The following ZNF536 variants were observed in gnomAD, a reference collection of about 807,000 sequenced individuals.
The protein encoded by ZNF536 is zinc finger protein 536.
Under a neutral mutation model 84.5 loss-of-function variants are expected in ZNF536, and 13 were observed. That is an observed-to-expected ratio of 0.15 (90% CI 0.10 to 0.24). The LOEUF (loss-of-function observed/expected upper bound fraction) is 0.24, where lower values mean the gene tolerates loss of function less well. ZNF536 is among the 10% of genes least tolerant of loss of function. The probability of loss-of-function intolerance (pLI) is 1.00; values close to 1 mark genes in which losing one functional copy is unlikely to be tolerated. For missense variants in ZNF536, 1,536 were observed against 1,747.5 expected, an observed-to-expected ratio of 0.88 and a Z score of 2.16; for synonymous variants, 811 against 742.5, an observed-to-expected ratio of 1.09 and a Z score of -1.50.
chr19:30,667,776 A>G (rs941822932), intron 1 of ZNF536, among the ~76,000 whole-genome samples: 68 of 152,108 alleles, frequency 4.5e-4, no homozygotes, highest in African/African-American at 1.6e-3. Flanking sequence ...TATTTACTAC[A>G]GTACTAGATA....
intron 1 of ZNF536, among the ~76,000 whole-genome samples, chr19:30,409,813 A>G (rs1266219426): frequency 6.6e-6 from 1 of 152,122 alleles, no homozygotes; most frequent in East Asian, 1.9e-4. Context: ...TTTGCTTTTT[A>G]TTTCTCAAGC....
At chr19:30,522,572 C>T (rs368161590) in intron 2 of ZNF536, among the ~76,000 whole-genome samples, 1 of 151,944 alleles carries the variant, frequency 6.6e-6, no homozygotes, top group Non-Finnish European at 1.5e-5. Flanking sequence ...ATCCTACATG[C>T]GACCCTCTAA....
chr19:30,251,417 A>G (rs1443965515), intron 1 of ZNF536, among the ~76,000 whole-genome samples: 1 of 152,098 alleles, frequency 6.6e-6, no homozygotes, highest in Admixed American at 6.5e-5. Flanking sequence ...CAGAGCACTG[A>G]CTTTTTCTAT....
chr19:30,539,093 A>AAAAAG (rs1261873146), intron 3 of ZNF536, among the ~76,000 whole-genome samples: 8 of 151,464 alleles, frequency 5.3e-5, no homozygotes, highest in Non-Finnish European at 7.4e-5. Flanking sequence ...AAAAGAAAAG[A>AAAAAG]AAAAGAAAAG....
At chr19:30,458,574 T>A (rs540943647) in intron 2 of ZNF536, among the ~76,000 whole-genome samples, 1 of 148,714 alleles carries the variant, frequency 6.7e-6, no homozygotes, top group Non-Finnish European at 1.5e-5. Context: ...TGCCTCAGCC[T>A]CCCGAGTAGC....
At chr19:30,511,364 A>G (rs1364572227) in intron 2 of ZNF536, among the ~76,000 whole-genome samples, 2 of 152,242 alleles carry the variant, frequency 1.3e-5, no homozygotes, top group Non-Finnish European at 2.9e-5. Flanking sequence ...ATTTTAATTT[A>G]TACACAAACC....
At chr19:30,421,170 C>G (rs778243369) in intron 1 of ZNF536, among the ~76,000 whole-genome samples, 2 of 152,060 alleles carry the variant, frequency 1.3e-5, no homozygotes, top group African/African-American at 4.8e-5. Context: ...GAGGATCCAG[C>G]GTGCAGAGAA....
chr19:30,391,934 T>A (rs2049606367), intron 1 of ZNF536, among the ~76,000 whole-genome samples: 1 of 152,146 alleles, frequency 6.6e-6, no homozygotes, highest in Non-Finnish European at 1.5e-5. Flanking sequence ...ATGCAGTACG[T>A]CTTAGACATC....
At chr19:30,285,468 C>T (rs2045593691) in intron 2 of ZNF536, among the ~76,000 whole-genome samples, 1 of 152,224 alleles carries the variant, frequency 6.6e-6, no homozygotes, top group South Asian at 2.1e-4. Context: ...TGTTGGGTTT[C>T]CAGTCCTTTC....
In ZNF536 at chr19:30,232,686, G is replaced by T. The variant is rs912535851; in HGVS notation, c.-190+4013G>T. 2.0e-5 allele frequency among the ~76,000 whole-genome samples: 3 copies of T among 152,190 alleles called. 1 individual carries two copies. The South Asian group carries it at 6.2e-4, about 32-fold the overall frequency. ...CTTTTCACATGCTCTGAGCTTGCTC[G>T]AGGTGGGGTTTATTTTCCCTAAGAG... On this transcript the variant is annotated intron_variant, in intron 1 of 5. Coordinates refer to the ZNF536 transcript ENST00000585628.
At chr19:30,684,059 C>T (rs919967121) in intron 1 of ZNF536, among the ~76,000 whole-genome samples, 5 of 152,054 alleles carry the variant, frequency 3.3e-5, no homozygotes, top group African/African-American at 1.2e-4. Context: ...TCTATCTTTC[C>T]TGTCCTGCAT....
intron 1 of ZNF536, among the ~76,000 whole-genome samples, chr19:30,673,070 G>A (rs1411974450): frequency 6.6e-6 from 1 of 152,192 alleles, no homozygotes; most frequent in Non-Finnish European, 1.5e-5. Context: ...ACAGCCTGCA[G>A]GAGATGGCCC....
rs1378146377 is a variant in ZNF536 at position 30,664,202 on chromosome 19, TTTTCTCTCTCTC to T, written c.170-46553_170-46542del. On this transcript the variant is annotated intron_variant, in intron 1 of 1. Coordinates refer to the ZNF536 transcript ENST00000592773. ...GCTATCTAGAGGAATTCTTGCTGAG[TTTTCTCTCTCTC>T]TCTCTCTCTCTCTCTCTCTCTCTCT... is the stretch of plus-strand genomic sequence containing the variant. Among the ~76,000 whole-genome samples, 311 of 118,488 alleles carry T rather than the reference TTTTCTCTCTCTC, an allele frequency of 2.6e-3. 8 individuals carry two copies. Among genetic ancestry groups the T allele is most frequent in the African/African-American group, 8.2e-3 (283 of 34,364 alleles). 77.7% of individuals were successfully genotyped at this position (118,488 alleles called of 152,430 possible).
chr19:30,561,775 G>T (rs1158049762), downstream of ZNF536, among the ~76,000 whole-genome samples: 4 of 149,556 alleles, frequency 2.7e-5, no homozygotes, highest in Admixed American at 6.6e-5. Context: ...CCCACCTGAT[G>T]GCCAACCATT....
chr19:30,559,990 T>C (rs2046102242), downstream of ZNF536, among the ~76,000 whole-genome samples: 1 of 151,950 alleles, frequency 6.6e-6, no homozygotes, highest in Non-Finnish European at 1.5e-5. Flanking sequence ...TCCGTCCTGC[T>C]CCCCATCTTC....
At chr19:30,255,704 CG>C (rs2024879775) in intron 1 of ZNF536, among the ~76,000 whole-genome samples, 1 of 152,172 alleles carries the variant, frequency 6.6e-6, no homozygotes, top group African/African-American at 2.4e-5. Flanking sequence ...CTGGAACTGT[CG>C]GGTCAGGCTG....
intron 1 of ZNF536, among the ~76,000 whole-genome samples, chr19:30,418,907 G>C (rs1003860004): frequency 1.3e-5 from 2 of 151,858 alleles, no homozygotes; most frequent in Non-Finnish European, 2.9e-5. Context: ...ATTAAAGATT[G>C]GTCTCTGCTA....
intron 1 of ZNF536, among the ~76,000 whole-genome samples, chr19:30,622,956 TTTC>T (rs2048536863): frequency 1.3e-5 from 2 of 151,874 alleles, no homozygotes; most frequent in African/African-American, 4.8e-5. Flanking sequence ...AGTTTTTTTT[TTTC>T]TTTTATCTCT....
chr19:30,385,297 G>A (rs1367733530), intron 1 of ZNF536, among the ~76,000 whole-genome samples: 2 of 152,162 alleles, frequency 1.3e-5, no homozygotes, highest in African/African-American at 2.4e-5. Flanking sequence ...GTGATGACCC[G>A]ATGGGGGTCA....
Sources: allele counts gnomAD v4.1 joint callset (sites outside exome capture counted in the v4.1 genomes callset), GRCh38; gene constraint gnomAD v4.1.1; transcripts MANE v1.5; gene names NCBI Gene and HGNC (gene_info 2026-07-23, HGNC 2026-07-21).